Variants in CACNA1A observed in about 807,000 individuals in gnomAD.
The protein encoded by CACNA1A is calcium voltage-gated channel subunit alpha1 A, also known as voltage-dependent P/Q-type calcium channel subunit alpha-1A.
Under a neutral mutation model 262.4 loss-of-function variants are expected in CACNA1A, and 57 were observed. The ratio of observed to expected loss-of-function variants is 0.22; its 90% CI spans 0.18 to 0.27. CACNA1A has a LOEUF of 0.27. CACNA1A is among the 10% of genes least tolerant of loss of function. The pLI is 1.00. For missense variants in CACNA1A, 2,526 were observed against 3,562.8 expected (o/e 0.71, Z 7.41); for synonymous variants, 1,431 against 1,419.3 (o/e 1.01, Z -0.18).
At chr19:13,329,486 CTTTTT>C (rs35821858) in intron 10 of CACNA1A, among the ~76,000 whole-genome samples, 2 of 123,856 alleles carry the variant, frequency 1.6e-5, no homozygotes. Context: ...TGGTTTGTGT[CTTTTT>C]TTTTTTTTTT....
intron 3 of CACNA1A, among the ~76,000 whole-genome samples, chr19:13,386,014 G>A (rs1310880399): frequency 6.6e-6 from 1 of 151,946 alleles, no homozygotes; most frequent in Non-Finnish European, 1.5e-5. Flanking sequence ...AAAATTAGCC[G>A]GCCATGGTGG....
intron 3 of CACNA1A, chr19:13,450,385 T>G (rs764606404): frequency 6.6e-6 from 1 of 152,310 alleles, no homozygotes; most frequent in Non-Finnish European, 1.5e-5. Context: ...TAGGTTTTCA[T>G]TCAGATGTCA....
chr19:13,242,354 CA>C (rs2056103012), intron 31 of CACNA1A, among the ~76,000 whole-genome samples: 2 of 152,266 alleles, frequency 1.3e-5, no homozygotes, highest in East Asian at 3.9e-4. Flanking sequence ...AGGGCAGTGG[CA>C]CAATCTTGGC....
intron 30 of CACNA1A, among the ~76,000 whole-genome samples, chr19:13,249,397 C>T (rs2144710801): frequency 6.6e-6 from 1 of 152,154 alleles, no homozygotes; most frequent in Non-Finnish European, 1.5e-5. Flanking sequence ...GCTCTGTCAC[C>T]CAGGGTGGGG....
chr19:13,228,145 C>G (rs747431348), intron 36 of CACNA1A, among the ~76,000 whole-genome samples: 1 of 151,912 alleles, frequency 6.6e-6, no homozygotes, highest in Non-Finnish European at 1.5e-5. Context: ...TGGGCTCAAG[C>G]GATCCTCCTG....
chr19:13,482,683 C>T (rs1979476550), intron 1 of CACNA1A, among the ~76,000 whole-genome samples: 1 of 152,106 alleles, frequency 6.6e-6, no homozygotes, highest in Admixed American at 6.6e-5. Flanking sequence ...ACTCTCCTTC[C>T]TTCTTTACCC....
At chr19:13,261,822 C>T in intron 25 of CACNA1A, 1 of 537,932 alleles carries the variant, frequency 1.9e-6, no homozygotes, top group Non-Finnish European at 3.3e-6. Flanking sequence ...ATCTAAAACT[C>T]CCAGATGGGA....
Position 13,398,789 on chromosome 19 carries a change from C to T in CACNA1A, c.540-27010G>A, listed in dbSNP as rs147670013. ...GATCATTCATGAGAAGTGCTGAGCA[C>T]ACCACCTGATGCATAGTAAGTGCTC... On this transcript the variant is annotated intron_variant, in intron 3 of 46. Transcript: ENST00000360228. 3.9e-5 allele frequency among the ~76,000 whole-genome samples: 6 copies of T among 152,336 alleles called. No individual in the cohort carries two copies. In the East Asian group the frequency reaches 1.2e-3, roughly 29 times the overall value.
intron 3 of CACNA1A, among the ~76,000 whole-genome samples, chr19:13,414,778 C>T (rs1345297683): frequency 4.6e-5 from 7 of 151,522 alleles, no homozygotes; most frequent in Admixed American, 1.3e-4. Flanking sequence ...GGCAACACGG[C>T]GAAACTCCAT....
chr19:13,298,782 CGCCCGT>C lies in CACNA1A; in HGVS notation c.2845_2850del (p.Thr949_Gly950del), dbSNP rs1298070605. 1 of 1,534,810 alleles carries C rather than the reference CGCCCGT, an allele frequency of 6.5e-7. No individual in the cohort carries two copies. The highest frequency in any genetic ancestry group is 1.4e-5 in the African/African-American group (1 of 70,430). ...CGATGACGTCGATGCTCCCCGTCCG[CGCCCGT>C]GCGCGGGGACCCGCTGCGGCTCTCC... is the stretch of plus-strand genomic sequence containing the variant. On this transcript the variant is annotated inframe_deletion, in exon 19 of 47. Transcript: ENST00000360228.
At chr19:13,371,571 C>G (rs754527049) in intron 4 of CACNA1A, 117 bp downstream of exon 4, 37 of 717,158 alleles carry the variant, frequency 5.2e-5, no homozygotes, top group Non-Finnish European at 8.4e-5. Context: ...AAAGAAGAGA[C>G]TGCCCTCACA....
intron 3 of CACNA1A, among the ~76,000 whole-genome samples, chr19:13,421,373 C>A (rs990768950): frequency 1.4e-4 from 22 of 151,980 alleles, no homozygotes; most frequent in African/African-American, 5.3e-4. Flanking sequence ...GGGGATAGGA[C>A]AATGACTGGA....
At chr19:13,237,346 G>C (rs1024269823) in intron 31 of CACNA1A, among the ~76,000 whole-genome samples, 4 of 152,084 alleles carry the variant, frequency 2.6e-5, no homozygotes, top group Non-Finnish European at 2.9e-5. Flanking sequence ...TTTGCTACAG[G>C]CCACGTAGCA....
chr19:13,268,360 T>C (rs1017987446), intron 24 of CACNA1A, among the ~76,000 whole-genome samples: 4 of 151,850 alleles, frequency 2.6e-5, no homozygotes, highest in African/African-American at 7.3e-5. Flanking sequence ...TTGACCGCCA[T>C]CAGAATGGCG....
At chr19:13,348,038 A>T (rs377558857) in intron 6 of CACNA1A, among the ~76,000 whole-genome samples, 39 of 152,088 alleles carry the variant, frequency 2.6e-4, no homozygotes, top group Middle Eastern at 6.8e-3. Context: ...CTCCTTCCTC[A>T]GCCTCCCGAG....
chr19:13,253,382 C>G (rs998511078), intron 29 of CACNA1A, among the ~76,000 whole-genome samples: 9 of 151,210 alleles, frequency 6.0e-5, no homozygotes, highest in Non-Finnish European at 1.2e-4. Flanking sequence ...AACTCACAAT[C>G]CTACCTTAGC....
At chr19:13,415,309 T>C (rs746206759) in intron 3 of CACNA1A, among the ~76,000 whole-genome samples, 2 of 152,058 alleles carry the variant, frequency 1.3e-5, no homozygotes, top group Non-Finnish European at 2.9e-5. Context: ...CTGCATATTT[T>C]TCTCAGCCCA....
At chr19:13,218,675 T>C (rs570670883) in intron 38 of CACNA1A, among the ~76,000 whole-genome samples, 30 of 152,234 alleles carry the variant, frequency 2.0e-4, no homozygotes, top group Admixed American at 6.5e-5. Flanking sequence ...ATCTCCTGGG[T>C]TGAAAGGATT....
At chr19:13,259,202 G>A (rs2056653164) in intron 27 of CACNA1A, 1 of 156,308 alleles carries the variant, frequency 6.4e-6, no homozygotes, top group Non-Finnish European at 1.4e-5. Flanking sequence ...ATGAAGTGCA[G>A]TGGTGCAATC....
Sources: allele counts gnomAD v4.1 joint callset (sites outside exome capture counted in the v4.1 genomes callset), GRCh38; gene constraint gnomAD v4.1.1; transcripts MANE v1.5; gene names NCBI Gene and HGNC (gene_info 2026-07-23, HGNC 2026-07-21).